Variants in CACNA2D3 observed in about 807,000 individuals in gnomAD.
CACNA2D3 encodes the protein voltage-dependent calcium channel subunit alpha-2/delta-3.
In CACNA2D3, 60 loss-of-function variants were observed where a neutral mutation model predicts 160.6. The observed-to-expected ratio is 0.37, with a 90% CI of 0.30 to 0.46. CACNA2D3 has a LOEUF of 0.46. CACNA2D3 is among the 20% of genes least tolerant of loss of function. CACNA2D3 has a pLI of 1.00. For missense variants in CACNA2D3, 1,205 were observed against 1,365.0 expected (o/e 0.88, Z 1.85); for synonymous variants, 558 against 492.9 (o/e 1.13, Z -1.75).
chr3:54,890,263 G>A (rs931509788), intron 24 of CACNA2D3, among the ~76,000 whole-genome samples: 1 of 152,090 alleles, frequency 6.6e-6, no homozygotes, highest in Non-Finnish European at 1.5e-5. Context: ...TTGGGAGGCC[G>A]AGGTGGGCAG....
At chr3:54,604,674 CCCTGGGCTGAGCCACCATTCTCTGTTT>C (rs1387974592) in intron 9 of CACNA2D3, among the ~76,000 whole-genome samples, 1 of 152,154 alleles carries the variant, frequency 6.6e-6, no homozygotes, top group Non-Finnish European at 1.5e-5. Context: ...ACTGCTCTCA[CCCTGGGCTGAGCCACCATTCTCTGTTT>C]CCTGAATCTT....
At chr3:54,455,053 A>G (rs1575464114) in intron 4 of CACNA2D3, among the ~76,000 whole-genome samples, 1 of 152,176 alleles carries the variant, frequency 6.6e-6, no homozygotes. Flanking sequence ...TGTGATAAAC[A>G]TGGGGGCGCA....
At chr3:54,653,808 G>T (rs1164936950) in intron 11 of CACNA2D3, among the ~76,000 whole-genome samples, 1 of 152,194 alleles carries the variant, frequency 6.6e-6, no homozygotes, top group Non-Finnish European at 1.5e-5. Context: ...TGGCACTGGG[G>T]CCTTGGGCTC....
At chr3:54,963,544 A>G (rs1389842756) in intron 27 of CACNA2D3, among the ~76,000 whole-genome samples, 3 of 152,230 alleles carry the variant, frequency 2.0e-5, no homozygotes, top group Admixed American at 6.5e-5. Context: ...AAATAGCCAC[A>G]TGTAACTAAT....
At chr3:54,290,358 G>A (rs1424109933) in intron 2 of CACNA2D3, among the ~76,000 whole-genome samples, 1 of 152,184 alleles carries the variant, frequency 6.6e-6, no homozygotes, top group Non-Finnish European at 1.5e-5. Context: ...ACCACATTGA[G>A]ATACCATCTC....
At chr3:54,572,945 G>A (rs1394692253) in intron 8 of CACNA2D3, among the ~76,000 whole-genome samples, 2 of 152,120 alleles carry the variant, frequency 1.3e-5, no homozygotes, top group African/African-American at 4.8e-5. Flanking sequence ...AATAATCTAT[G>A]TAAGTTCATT....
Position 54,320,510 on chromosome 3 carries a change from G to A in CACNA2D3, c.273G>A (p.Leu91=), listed in dbSNP as rs1703963204. 1.3e-6 allele frequency: 2 copies of A among 1,569,576 alleles called. No homozygotes were observed. Among genetic ancestry groups the A allele is most frequent in the African/African-American group, 2.7e-5 (2 of 73,850 alleles). ...ATGGCCTCCAACTGGTAAAGAAGCT[G>A]GCAAAGAACATGGAAGAGATGTTTC... The part of the protein sequence containing the change: ...EIDGLQLVKK[L]AKNMEEMFHK... Residue 91 remains leucine, a synonymous_variant, in exon 3 of 38, where the codon CTG becomes CTA. Coordinates refer to ENST00000474759, the MANE Select transcript of CACNA2D3 (RefSeq NM_018398.3).
intron 4 of CACNA2D3, among the ~76,000 whole-genome samples, chr3:54,436,320 A>G (rs917026781): frequency 1.3e-5 from 2 of 152,230 alleles, no homozygotes; most frequent in Non-Finnish European, 2.9e-5. Context: ...ACACTTTTAC[A>G]CTGTTGGTGG....
intron 13 of CACNA2D3, among the ~76,000 whole-genome samples, chr3:54,811,762 A>G (rs1168766464): frequency 6.6e-6 from 1 of 151,898 alleles, no homozygotes; most frequent in African/African-American, 2.4e-5. Flanking sequence ...CGGCCTCCCA[A>G]AGTGCTGGGA....
intron 27 of CACNA2D3, among the ~76,000 whole-genome samples, chr3:54,966,689 C>T (rs1382419046): frequency 6.6e-6 from 1 of 152,088 alleles, no homozygotes; most frequent in Admixed American, 6.5e-5. Context: ...TGTGGTGGTG[C>T]ACACCTGTAA....
chr3:54,874,316 G>A (rs541231048), intron 18 of CACNA2D3, among the ~76,000 whole-genome samples: 3 of 152,278 alleles, frequency 2.0e-5, no homozygotes, highest in East Asian at 1.9e-4. Flanking sequence ...GATCTTTGGC[G>A]GACCCGTGTG....
chr3:54,250,608 A>T (rs1702169233), intron 2 of CACNA2D3, among the ~76,000 whole-genome samples: 1 of 151,740 alleles, frequency 6.6e-6, no homozygotes, highest in South Asian at 2.1e-4. Context: ...TAATTTTTAA[A>T]TTTTTTTTGT....
At chr3:54,821,641 G>GTTCTTTCTTTCTTTTTCTTTCT (rs1553873527) in intron 14 of CACNA2D3, among the ~76,000 whole-genome samples, 43 of 107,918 alleles carry the variant, frequency 4.0e-4, no homozygotes, top group South Asian at 1.3e-3. Flanking sequence ...AGAGTCTTTC[G>GTTCTTTCTTTCTTTTTCTTTCT]TTCTTTCTTT....
intron 10 of CACNA2D3, among the ~76,000 whole-genome samples, chr3:54,634,992 G>A (rs1174151470): frequency 2.0e-5 from 3 of 151,800 alleles, no homozygotes; most frequent in Admixed American, 6.6e-5. Context: ...TTGGGGCGGG[G>A]AAAATTTTTG....
chr3:54,495,486 T>C (rs60632893), intron 4 of CACNA2D3, among the ~76,000 whole-genome samples: 8,962 of 152,186 alleles, frequency 0.059, 898 homozygotes, highest in African/African-American at 0.21. Flanking sequence ...CAGTGGCTCA[T>C]ACCTGTAATC....
chr3:54,466,678 T>G (rs1293379952), intron 4 of CACNA2D3, among the ~76,000 whole-genome samples: 1 of 152,238 alleles, frequency 6.6e-6, no homozygotes, highest in Non-Finnish European at 1.5e-5. Context: ...AAGCTTAGTA[T>G]GACTGATATA....
At position 54,503,053 on chromosome 3, in the gene CACNA2D3, G is replaced by A. The variant is rs6781491; in HGVS notation, c.382-439G>A. On this transcript the variant is annotated intron_variant, in intron 4 of 37. Transcript: ENST00000474759. ...TGTATAAACACACAGTCCTTCTGAA[G>A]CTGCTAATCCCTTTACCCTGCTGTA... is the stretch of plus-strand genomic sequence containing the variant. Among the ~76,000 whole-genome samples, 427 of 152,264 alleles carry A rather than the reference G, an allele frequency of 2.8e-3. 3 individuals carry two copies. The highest frequency in any genetic ancestry group is 9.8e-3 in the African/African-American group (408 of 41,546).
In CACNA2D3 at chr3:55,009,184, C is replaced by A. The variant is rs993887089; in HGVS notation, c.2820-204C>A. On this transcript the variant is annotated intron_variant, in intron 33 of 37. Coordinates refer to ENST00000474759, the MANE Select transcript of CACNA2D3 (RefSeq NM_018398.3). ...CTAGGAATCTTTGAGTCTAGGTGAA[C>A]CTGGCTTTAGGGATAAAATAGCCTT... Among the ~76,000 whole-genome samples, 55 of 152,128 alleles carry A rather than the reference C, an allele frequency of 3.6e-4. 1 individual carries two copies. The highest frequency in any genetic ancestry group is 4.4e-5 in the Non-Finnish European group (3 of 68,030).
Position 54,891,364 on chromosome 3 carries a change from C to A in CACNA2D3, c.2160C>A (p.Asp720Glu), listed in dbSNP as rs1455698798. The A allele has an allele frequency of 6.2e-7, 1 of 1,613,494 alleles. No individual in the cohort carries two copies. The highest frequency in any genetic ancestry group is 1.3e-5 in the African/African-American group (1 of 74,896). Residue 720 changes from aspartate (D) to glutamate (E), a missense_variant, in exon 25 of 38, where the codon GAC (aspartate) becomes GAA (glutamate). Around this residue, in one of 3 missense-constraint regions of CACNA2D3, gnomAD observed 911 missense variants for 1,002.2 expected, o/e 0.91. Coordinates refer to ENST00000474759, the MANE Select transcript of CACNA2D3 (RefSeq NM_018398.3). ...SLALNKSENS[D>E]KGVEVAFLGT... ...TGTTGTTCTGTTTCAGAAATTCTGA[C>A]AAGGGCGTGGAGGTTGCCTTCCTCG...
Sources: allele counts gnomAD v4.1 joint callset (sites outside exome capture counted in the v4.1 genomes callset), GRCh38; gene constraint gnomAD v4.1.1; regional missense constraint gnomAD v4.1.1; transcripts MANE v1.5; gene names NCBI Gene and HGNC (gene_info 2026-07-23, HGNC 2026-07-21).